The following CNTN4 variants were observed in gnomAD, a reference collection of about 807,000 sequenced individuals.
The protein encoded by CNTN4 is contactin 4.
In CNTN4, 77 loss-of-function variants were observed where a neutral mutation model predicts 122.5. That is an observed-to-expected ratio of 0.63 (90% confidence interval 0.52 to 0.76). CNTN4 has a LOEUF of 0.76. Among genes scored for constraint, CNTN4 ranks in the 30% least tolerant of loss-of-function variants. CNTN4 has a pLI of 0.00. For synonymous variants in CNTN4, 512 were observed against 447.0 expected (o/e 1.15, Z -1.83); for missense variants, 1,256 against 1,259.1 (o/e 1.00, Z 0.04).
chr3:2,225,294 C>G (rs1268241271), intron 2 of CNTN4, among the ~76,000 whole-genome samples: 1 of 151,696 alleles, frequency 6.6e-6, no homozygotes. Context: ...GCGGGTGGAT[C>G]ACGAGGTCAG....
intron 4 of CNTN4, among the ~76,000 whole-genome samples, chr3:2,600,279 A>T (rs2149735233): frequency 6.6e-6 from 1 of 151,780 alleles, no homozygotes; most frequent in South Asian, 2.1e-4. Context: ...TTGTATACAC[A>T]CGCCATGTTG....
intron 4 of CNTN4, among the ~76,000 whole-genome samples, chr3:2,646,680 A>G (rs2150156047): frequency 6.6e-6 from 1 of 152,318 alleles, no homozygotes; most frequent in Non-Finnish European, 1.5e-5. Flanking sequence ...AACAGGAATT[A>G]ATTTTTTCAT....
In CNTN4 at chr3:3,042,435, T is replaced by C. The variant is rs763708270; in HGVS notation, c.2511+13T>C. Reference sequence around the variant, plus strand: ...ACAAGGTTATGAGGTAGGCAAGACATATGTGCCTTGGGTCTGAAAGAGAGT... The same window carrying C: ...ACAAGGTTATGAGGTAGGCAAGACACATGTGCCTTGGGTCTGAAAGAGAGT... On this transcript the variant is annotated intron_variant, in intron 21 of 24. Transcript: ENST00000418658. 4 of 1,528,206 alleles carry C rather than the reference T, an allele frequency of 2.6e-6. No homozygotes were observed. The South Asian group carries it at 4.5e-5, about 17-fold the overall frequency. 94.7% of individuals were successfully genotyped at this position (1,528,206 alleles called of 1,614,324 possible).
At chr3:2,365,264 C>T (rs1252108207) in intron 3 of CNTN4, among the ~76,000 whole-genome samples, 3 of 152,144 alleles carry the variant, frequency 2.0e-5, no homozygotes, top group East Asian at 1.9e-4. Context: ...GTAGTTCCTA[C>T]GTTTAACCTG....
intron 13 of CNTN4, among the ~76,000 whole-genome samples, chr3:2,971,462 G>A (rs1028229904): frequency 6.6e-6 from 1 of 152,006 alleles, no homozygotes; most frequent in Non-Finnish European, 1.5e-5. Context: ...CCATAAGCTG[G>A]CAAGAAACCT....
chr3:2,158,857 G>T (rs1269861997), intron 2 of CNTN4, among the ~76,000 whole-genome samples: 1 of 152,206 alleles, frequency 6.6e-6, no homozygotes, highest in Non-Finnish European at 1.5e-5. Flanking sequence ...TTTGTTTTTG[G>T]AAGAGTGAAA....
intron 3 of CNTN4, among the ~76,000 whole-genome samples, chr3:2,482,183 C>A (rs966685602): frequency 1.3e-5 from 2 of 152,096 alleles, no homozygotes; most frequent in African/African-American, 4.8e-5. Flanking sequence ...GTGATATGGA[C>A]AATGAAGTCC....
chr3:2,622,851 G>T (rs191443376), intron 4 of CNTN4, among the ~76,000 whole-genome samples: 3 of 152,302 alleles, frequency 2.0e-5, no homozygotes, highest in Admixed American at 1.3e-4. Context: ...TGAGACTGGT[G>T]CACTCTGACT....
chr3:2,961,731 C>T (rs1405522470), intron 13 of CNTN4, among the ~76,000 whole-genome samples: 1 of 152,130 alleles, frequency 6.6e-6, no homozygotes, highest in East Asian at 1.9e-4. Flanking sequence ...ATCTAAAATG[C>T]TTTAAACAGG....
chr3:2,423,314 G>A (rs1044320578), intron 3 of CNTN4, among the ~76,000 whole-genome samples: 7 of 152,020 alleles, frequency 4.6e-5, no homozygotes, highest in African/African-American at 1.4e-4. Context: ...GGGATCACAC[G>A]CTCCATTTAT....
chr3:2,829,488 A>C (rs1480496250), intron 7 of CNTN4, among the ~76,000 whole-genome samples: 1 of 152,152 alleles, frequency 6.6e-6, no homozygotes, highest in Non-Finnish European at 1.5e-5. Context: ...AAAAGGGAGG[A>C]ATTGGGGCCT....
At chr3:2,315,547 AT>A (rs2043068741) in intron 2 of CNTN4, among the ~76,000 whole-genome samples, 1 of 151,800 alleles carries the variant, frequency 6.6e-6, no homozygotes, top group Non-Finnish European at 1.5e-5. Flanking sequence ...GCTTTTTTCT[AT>A]TTTTTTCCTC....
chr3:2,732,999 A>C (rs2088812103), intron 4 of CNTN4, among the ~76,000 whole-genome samples: 1 of 152,252 alleles, frequency 6.6e-6, no homozygotes, highest in South Asian at 2.1e-4. Context: ...AATGCAAAGC[A>C]TCATTATTAT....
At chr3:2,405,290 A>G (rs2046993797) in intron 3 of CNTN4, among the ~76,000 whole-genome samples, 1 of 152,178 alleles carries the variant, frequency 6.6e-6, no homozygotes, top group Non-Finnish European at 1.5e-5. Flanking sequence ...ACAACCCAGT[A>G]GCAATGAGCA....
chr3:2,632,733 A>G (rs2082499455), intron 4 of CNTN4, among the ~76,000 whole-genome samples: 1 of 152,076 alleles, frequency 6.6e-6, no homozygotes, highest in African/African-American at 2.4e-5. Context: ...CATTGAATGA[A>G]CTCTGCACTT....
intron 23 of CNTN4, among the ~76,000 whole-genome samples, chr3:3,045,383 A>G (rs1158089066): frequency 6.6e-6 from 1 of 152,206 alleles, no homozygotes; most frequent in African/African-American, 2.4e-5. Flanking sequence ...ACCCCCCAGT[A>G]GGGGCAGACT....
chr3:2,148,819 C>T (rs1196716021), intron 2 of CNTN4, among the ~76,000 whole-genome samples: 1 of 139,848 alleles, frequency 7.2e-6, no homozygotes, highest in African/African-American at 2.7e-5. Context: ...TAATGTGGAT[C>T]AGAGACAAGC....
intron 7 of CNTN4, among the ~76,000 whole-genome samples, chr3:2,834,122 C>G (rs2093163613): frequency 6.6e-6 from 1 of 151,754 alleles, no homozygotes; most frequent in East Asian, 1.9e-4. Flanking sequence ...CCAGCCTGGG[C>G]AACAGAGCAA....
At chr3:2,394,455 A>G (rs2046562426) in intron 3 of CNTN4, among the ~76,000 whole-genome samples, 1 of 152,178 alleles carries the variant, frequency 6.6e-6, no homozygotes, top group African/African-American at 2.4e-5. Context: ...CCACATACCA[A>G]TGTACACATG....
Sources: gnomAD v4.1 joint callset for allele counts (sites outside exome capture counted in the v4.1 genomes callset) on GRCh38, gnomAD v4.1.1 for gene constraint, MANE v1.5 for transcripts, NCBI Gene and HGNC (gene_info 2026-07-23, HGNC 2026-07-21) for gene names.